The following LRRC4C variants were observed in gnomAD, a reference collection of about 807,000 sequenced individuals.
The protein encoded by LRRC4C is leucine-rich repeat-containing protein 4C.
A neutral mutation model predicts 33.6 loss-of-function variants in LRRC4C; 5 were observed. The observed-to-expected ratio is 0.15, with a 90% CI of 0.08 to 0.31. LRRC4C has a LOEUF of 0.31. Among genes scored for constraint, LRRC4C ranks in the 10% least tolerant of loss-of-function variants. LRRC4C has a pLI of 1.00. For missense variants in LRRC4C, 560 were observed against 796.7 expected, an observed-to-expected ratio of 0.70 and a Z score of 3.58; for synonymous variants, 329 against 302.0, an observed-to-expected ratio of 1.09 and a Z score of -0.93.
intron 2 of LRRC4C, among the ~76,000 whole-genome samples, chr11:40,857,177 T>A (rs986356449): frequency 1.3e-5 from 2 of 152,194 alleles, no homozygotes; most frequent in African/African-American, 4.8e-5. Flanking sequence ...CACTTGTTAT[T>A]TGTTTAGGAC....
intron 3 of LRRC4C, among the ~76,000 whole-genome samples, chr11:40,504,655 T>C (rs913772897): frequency 1.4e-4 from 21 of 152,320 alleles, no homozygotes; most frequent in African/African-American, 4.6e-4. Flanking sequence ...ATCTCAGTTA[T>C]GTGTTGAAAT....
intron 3 of LRRC4C, among the ~76,000 whole-genome samples, chr11:40,612,541 G>T (rs1354243818): frequency 1.3e-5 from 2 of 151,814 alleles, no homozygotes; most frequent in African/African-American, 4.8e-5. Context: ...TATGCTATAT[G>T]TTTTTACCAT....
At chr11:40,755,385 G>A (rs1948898278) in intron 2 of LRRC4C, among the ~76,000 whole-genome samples, 1 of 152,058 alleles carries the variant, frequency 6.6e-6, no homozygotes, top group African/African-American at 2.4e-5. Flanking sequence ...ACAGAAATTA[G>A]CCTCGAACTA....
chr11:41,229,249 G>A (rs1947676569), intron 1 of LRRC4C, among the ~76,000 whole-genome samples: 1 of 152,096 alleles, frequency 6.6e-6, no homozygotes, highest in Admixed American at 6.6e-5. Context: ...TAGAGACAAG[G>A]CCATGTGAGG....
At chr11:40,756,192 G>T (rs1948936173) in intron 2 of LRRC4C, among the ~76,000 whole-genome samples, 1 of 151,968 alleles carries the variant, frequency 6.6e-6, no homozygotes, top group Non-Finnish European at 1.5e-5. Context: ...TGGACTTCCA[G>T]CCTCCAGAAC....
chr11:41,393,606 C>T (rs1953690016), intron 1 of LRRC4C, among the ~76,000 whole-genome samples: 1 of 151,806 alleles, frequency 6.6e-6, no homozygotes, highest in South Asian at 2.1e-4. Flanking sequence ...CATTTAAAAG[C>T]ATAAAAGCAC....
intron 5 of LRRC4C, among the ~76,000 whole-genome samples, chr11:40,199,484 A>T (rs1353799364): frequency 1.3e-5 from 2 of 152,188 alleles, no homozygotes; most frequent in Non-Finnish European, 2.9e-5. Flanking sequence ...CCCTGATTGC[A>T]ATGAGCCACT....
intron 2 of LRRC4C, among the ~76,000 whole-genome samples, chr11:40,753,781 G>A (rs979556969): frequency 2.0e-5 from 3 of 151,688 alleles, no homozygotes; most frequent in Admixed American, 6.6e-5. Context: ...CCAAGAACCC[G>A]AATAGACAAT....
chr11:40,194,233 G>A (rs1351940117), intron 5 of LRRC4C, among the ~76,000 whole-genome samples: 1 of 152,200 alleles, frequency 6.6e-6, no homozygotes, highest in Non-Finnish European at 1.5e-5. Context: ...ACAAAGGGAA[G>A]CCCATCAGAC....
At chr11:40,299,599 T>C (rs1475281994) in intron 4 of LRRC4C, among the ~76,000 whole-genome samples, 1 of 152,218 alleles carries the variant, frequency 6.6e-6, no homozygotes, top group East Asian at 1.9e-4. Context: ...GTTCTTGAAA[T>C]AGCTAGCATG....
chr11:40,114,273 C>A lies in LRRC4C; in HGVS notation c.*97G>T. Reference sequence around the variant, plus strand: ...TCTTTTTTGTTTTTTTGTAAAGACACTTTTTTGAAACAGTAGATTTAGCCC... The same window carrying A: ...TCTTTTTTGTTTTTTTGTAAAGACAATTTTTTGAAACAGTAGATTTAGCCC... On this transcript the variant is annotated 3_prime_UTR_variant, in exon 7 of 7. Coordinates refer to ENST00000528697, the MANE Select transcript of LRRC4C (RefSeq NM_001258419.2). The A allele has an allele frequency of 2.3e-6, 3 of 1,305,514 alleles. No individual in the cohort carries two copies. The highest frequency in any genetic ancestry group is 3.1e-5 in the Admixed American group (1 of 31,766). The allele number at this position is 1,305,514 out of a possible 1,614,324, so 80.9% of individuals were successfully genotyped here. A position where few individuals can be genotyped will look rare whatever the true frequency, so the allele number is the denominator to read the frequency against.
At chr11:40,764,756 G>C (rs575178892) in intron 2 of LRRC4C, among the ~76,000 whole-genome samples, 2 of 152,196 alleles carry the variant, frequency 1.3e-5, no homozygotes, top group South Asian at 2.1e-4. Flanking sequence ...CATTTTTAGG[G>C]GGGGAACATA....
chr11:41,225,383 C>T (rs1474737143), intron 1 of LRRC4C, among the ~76,000 whole-genome samples: 1 of 152,062 alleles, frequency 6.6e-6, no homozygotes, highest in Non-Finnish European at 1.5e-5. Context: ...ACATTGCATG[C>T]CTGTATCAAA....
At chr11:41,223,075 A>T (rs1947377413) in intron 1 of LRRC4C, 1 of 152,160 alleles carries the variant, frequency 6.6e-6, no homozygotes, top group African/African-American at 2.4e-5. Context: ...AGTGAACATT[A>T]AAAAACGCTA....
chr11:41,097,132 A>G (rs549274154), intron 1 of LRRC4C, among the ~76,000 whole-genome samples: 1 of 152,290 alleles, frequency 6.6e-6, no homozygotes, highest in East Asian at 1.9e-4. Context: ...CCTTGAAGGC[A>G]TAGGAAACCT....
At chr11:41,048,263 T>A (rs1857937928) in intron 1 of LRRC4C, among the ~76,000 whole-genome samples, 2 of 40,208 alleles carry the variant, frequency 5.0e-5, no homozygotes, top group Non-Finnish European at 6.9e-5. Flanking sequence ...TTCTTTACTT[T>A]TTTTTTTTTT....
At chr11:41,363,779 C>T (rs773912359) in intron 1 of LRRC4C, among the ~76,000 whole-genome samples, 1 of 152,098 alleles carries the variant, frequency 6.6e-6, no homozygotes, top group Non-Finnish European at 1.5e-5. Flanking sequence ...CATTCACCCC[C>T]GCCAACAGCA....
chr11:41,000,027 A>T (rs1402457663), intron 1 of LRRC4C, among the ~76,000 whole-genome samples: 1 of 152,166 alleles, frequency 6.6e-6, no homozygotes, highest in Admixed American at 6.6e-5. Context: ...ACATTAAGCT[A>T]TGGAACAGAA....
intron 5 of LRRC4C, among the ~76,000 whole-genome samples, chr11:40,172,909 T>C (rs951565901): frequency 6.6e-6 from 1 of 152,164 alleles, no homozygotes; most frequent in Non-Finnish European, 1.5e-5. Context: ...GGGTAGGCTG[T>C]AATCAAAAAT....
Sources: gnomAD v4.1 joint callset for allele counts (sites outside exome capture counted in the v4.1 genomes callset) on GRCh38, gnomAD v4.1.1 for gene constraint, MANE v1.5 for transcripts, NCBI Gene and HGNC (gene_info 2026-07-23, HGNC 2026-07-21) for gene names.